Variants in NKPD1 observed in about 807,000 individuals in gnomAD.
NKPD1 encodes the protein NTPase KAP family P-loop domain-containing protein 1.
NKPD1 carries 37 observed loss-of-function variants against 42.2 expected under a neutral mutation model. The observed-to-expected ratio is 0.88, with a 90% CI of 0.67 to 1.15. The LOEUF is 1.15. Ranked by LOEUF, NKPD1 falls within the 50% of genes most tolerant of loss-of-function variation. The probability of loss-of-function intolerance (pLI) is 0.00; values close to 1 mark genes in which losing one functional copy is unlikely to be tolerated. For missense variants in NKPD1, 1,113 were observed against 1,174.6 expected (o/e 0.95, Z 0.77); for synonymous variants, 552 against 536.5 (o/e 1.03, Z -0.40).
Position 45,150,906 on chromosome 19 carries a change from C to G in NKPD1, c.*1032G>C, listed in dbSNP as rs562804251. ...AGGGCCCTGGCTCAGAAGCCACACCCTCAGCCTCATCCCAGGGTATGTTCA... is the reference window on the plus strand; with the variant it reads ...AGGGCCCTGGCTCAGAAGCCACACCGTCAGCCTCATCCCAGGGTATGTTCA... On this transcript the variant is annotated 3_prime_UTR_variant, in exon 5 of 5. Coordinates refer to ENST00000686631, the MANE Select transcript of NKPD1 (RefSeq NM_198478.4). 1 of 152,484 alleles carries G rather than the reference C, an allele frequency of 6.6e-6. No individual in the cohort carries two copies. The highest frequency in any genetic ancestry group is 2.1e-4 in the South Asian group (1 of 4,832). The allele number at this position is 152,484 out of a possible 1,614,324, so 9.4% of individuals were successfully genotyped here.
Position 45,153,476 on chromosome 19 carries a change from T to C in NKPD1, c.961A>G (p.Asn321Asp). Residue 321 changes from asparagine (N) to aspartate (D), a missense_variant, in exon 5 of 5, where the codon AAC (asparagine) becomes GAC (aspartate). Around this residue, in one of 3 missense-constraint regions of NKPD1, gnomAD observed 867 missense variants for 870.1 expected, o/e 1.00. Transcript: ENST00000686631. ...CAGTCCTGCCTGGTGGCCGGCTTGT[T>C]GCCCAGCACCGAGTACACGCTGAAG... ...LPFSVYSVLG[N>D]KPATRQDCCQ... 6.4e-7 allele frequency: 1 copy of C among 1,553,576 alleles called. No individual in the cohort carries two copies. Among genetic ancestry groups the C allele is most frequent in the Non-Finnish European group, 8.7e-7 (1 of 1,152,466 alleles).
Position 45,151,885 on chromosome 19 carries a change from C to T in NKPD1, c.*53G>A, listed in dbSNP as rs1040500306. The stretch of plus-strand genomic sequence containing the variant: ...GCCCCAGTCCAGCCCCCTATTCTCC[C>T]ATCTGGGCAGATGGAGGAACCCTTG... On this transcript the variant is annotated 3_prime_UTR_variant, in exon 5 of 5. Coordinates refer to ENST00000686631, the MANE Select transcript of NKPD1 (RefSeq NM_198478.4). 5 of 1,474,548 alleles carry T rather than the reference C, an allele frequency of 3.4e-6. No individual in the cohort carries two copies. The African/African-American group carries it at 7.2e-5, about 21-fold the overall frequency. The allele number at this position is 1,474,548 out of a possible 1,614,324, so 91.3% of individuals were successfully genotyped here. A position where few individuals can be genotyped will look rare whatever the true frequency, so the allele number is the denominator to read the frequency against.
chr19:45,153,413 G>A lies in NKPD1; in HGVS notation c.1024C>T (p.Leu342=), dbSNP rs772395143. The A allele has an allele frequency of 2.1e-5, 32 of 1,550,498 alleles. No homozygotes were observed. The highest frequency in any genetic ancestry group is 2.6e-5 in the Non-Finnish European group (30 of 1,151,828). ...SEWHCRRRVC[L]GLLALLAALG... is the part of the protein sequence containing the mutation. Reference sequence around the variant, plus strand: ...GCCGCCAGCAGCGCCAGCAGCCCCAGGCACACGCGGCGCCGACAATGCCAC... The same window carrying A: ...GCCGCCAGCAGCGCCAGCAGCCCCAAGCACACGCGGCGCCGACAATGCCAC... The change falls in exon 5 of 5, where the codon CTG becomes TTG. Residue 342 remains leucine (L), a synonymous_variant. Transcript: ENST00000686631.
chr19:45,161,953 C>T (rs539159240), upstream of NKPD1, among the ~76,000 whole-genome samples: 3 of 149,910 alleles, frequency 2.0e-5, no homozygotes, highest in South Asian at 2.1e-4. Flanking sequence ...CTGCTCCCTA[C>T]GGCCAGAGCC....
chr19:45,153,751 TGC>T lies in NKPD1; in HGVS notation c.684_685del (p.Gln229AlafsTer53), dbSNP rs780704011. The T allele has an allele frequency of 1.1e-5, 17 of 1,501,196 alleles. No homozygotes were observed. The highest frequency in any genetic ancestry group is 1.4e-5 in the Non-Finnish European group (16 of 1,118,174). 93.0% of individuals were successfully genotyped at this position (1,501,196 alleles called of 1,614,324 possible). A position where few individuals can be genotyped will look rare whatever the true frequency, so the allele number is the denominator to read the frequency against. ...GTGCTGCAGCTCCTCGCTCTCGCGCTGCGCGGCCTCCTGCTGCATCAGCGCTG... is the reference window on the plus strand; with the variant it reads ...GTGCTGCAGCTCCTCGCTCTCGCGCTGCGGCCTCCTGCTGCATCAGCGCTG... On this transcript the variant is annotated frameshift_variant, in exon 5 of 5. Transcript: ENST00000686631. LOFTEE classifies it high-confidence loss of function.
In NKPD1 at chr19:45,158,618, C is replaced by T. The variant is rs978106755; in HGVS notation, c.529+45G>A. 15 of 1,148,770 alleles carry T rather than the reference C, an allele frequency of 1.3e-5. No homozygotes were observed. In the East Asian group the frequency reaches 2.5e-4, roughly 19 times the overall value. The allele number at this position is 1,148,770 out of a possible 1,614,324, so 71.2% of individuals were successfully genotyped here. On this transcript the variant is annotated intron_variant, in intron 3 of 4. Transcript: ENST00000686631. The surrounding 1 kb of genome is among the most constrained non-coding windows in gnomAD (Gnocchi z 4.6). ...CAAGGAGAGCAGGTGGGAAGTGAGGCGGCAGGAGTGGGGACAGGGCCCCCA... is the reference window on the plus strand; with the variant it reads ...CAAGGAGAGCAGGTGGGAAGTGAGGTGGCAGGAGTGGGGACAGGGCCCCCA...
chr19:45,153,679 A>G lies in NKPD1; in HGVS notation c.758T>C (p.Leu253Pro). The G allele has an allele frequency of 1.3e-6, 2 of 1,561,866 alleles. No homozygotes were observed. The highest frequency in any genetic ancestry group is 1.7e-6 in the Non-Finnish European group (2 of 1,153,252). ...CTGCAGGAACACCAGGTACCACAGT[A>G]GCTGCGGGACGCCCCAGCCGCTCAC... The part of the protein sequence containing the change: ...RAVSGWGVPQ[L>P]LWYLVFLQPI... Residue 253 changes from leucine to proline, a missense_variant, in exon 5 of 5, where the codon CTA (leucine) becomes CCA (proline). Coordinates refer to ENST00000686631, the MANE Select transcript of NKPD1 (RefSeq NM_198478.4).
Position 45,155,812 on chromosome 19 carries a change from G to A in NKPD1, c.634C>T (p.Leu212=). Residue 212 remains leucine, a synonymous_variant, in exon 4 of 5, where the codon CTG becomes TTG. Transcript: ENST00000686631. ...VGFYAPFGCR[L]HMMLDKITAL... is the part of the protein sequence containing the mutation. Reference sequence around the variant, plus strand: ...GTGATCTTGTCCAGCATCATGTGCAGGCGGCAGCCGAAAGGGGCATAGAAA... The same window carrying A: ...GTGATCTTGTCCAGCATCATGTGCAAGCGGCAGCCGAAAGGGGCATAGAAA... The A allele has an allele frequency of 7.7e-7, 1 of 1,305,270 alleles. No homozygotes were observed. Among genetic ancestry groups the A allele is most frequent in the Middle Eastern group, 2.1e-4 (1 of 4,692 alleles). 80.9% of individuals were successfully genotyped at this position (1,305,270 alleles called of 1,614,324 possible). A position where few individuals can be genotyped will look rare whatever the true frequency, so the allele number is the denominator to read the frequency against.
rs752034506 is a variant in NKPD1, at chr19:45,153,725, C to T, written c.712G>A (p.Val238Met). Reference sequence around the variant, plus strand: ...CTCACGGCACGCGGCCGCCACTGCACGTGCTGCAGCTCCTCGCTCTCGCGC... The same window carrying T: ...CTCACGGCACGCGGCCGCCACTGCATGTGCTGCAGCTCCTCGCTCTCGCGC... ...AQRESEELQH[V>M]QWRPRAVSGW... The change falls in exon 5 of 5, where the codon GTG becomes ATG. Residue 238 changes from valine to methionine, a missense_variant. Val to Met is a conservative substitution (Grantham distance 21). Coordinates refer to ENST00000686631, the MANE Select transcript of NKPD1 (RefSeq NM_198478.4). 1 of 1,523,862 alleles carries T rather than the reference C, an allele frequency of 6.6e-7. No homozygotes were observed. The highest frequency in any genetic ancestry group is 2.5e-5 in the East Asian group (1 of 40,440). 94.4% of individuals were successfully genotyped at this position (1,523,862 alleles called of 1,614,324 possible). A position where few individuals can be genotyped will look rare whatever the true frequency, so the allele number is the denominator to read the frequency against.
chr19:45,162,166 C>T (rs1013486229), upstream of NKPD1, among the ~76,000 whole-genome samples: 9 of 152,150 alleles, frequency 5.9e-5, no homozygotes, highest in African/African-American at 2.2e-4. Context: ...CTCCGCAGGA[C>T]GAGATTGCCC....
Position 45,151,949 on chromosome 19 carries a change from C to T in NKPD1, c.2488G>A (p.Gly830Ser), listed in dbSNP as rs762181632. 26 of 1,565,976 alleles carry T rather than the reference C, an allele frequency of 1.7e-5. No individual in the cohort carries two copies. Among genetic ancestry groups the T allele is most frequent in the Non-Finnish European group, 2.1e-5 (24 of 1,151,668 alleles). Residue 830 changes from glycine to serine, a missense_variant, in exon 5 of 5, where the codon GGT becomes AGT. By Grantham distance (56) the Gly-to-Ser change is moderately conservative. Around this residue, in one of 3 missense-constraint regions of NKPD1, gnomAD observed 867 missense variants for 870.1 expected, o/e 1.00. Coordinates refer to ENST00000686631, the MANE Select transcript of NKPD1 (RefSeq NM_198478.4). ...ALFRPGQSSPGGP is the reference protein window; with the variant it reads ...ALFRPGQSSPSGP ...GCCAAGTCCTCCATTTAAGGCCCAC[C>T]TGGGCTGGATTGCCCTGGACGGAAG... is the stretch of plus-strand genomic sequence containing the variant.
chr19:45,152,485 C>A lies in NKPD1; in HGVS notation c.1952G>T (p.Arg651Leu). The A allele has an allele frequency of 6.4e-7, 1 of 1,553,014 alleles. No homozygotes were observed. The highest frequency in any genetic ancestry group is 8.6e-7 in the Non-Finnish European group (1 of 1,157,222). Reference protein sequence around the residue: ...QQGDFGGPTPRQAVAWVVLAN... With the variant: ...QQGDFGGPTPLQAVAWVVLAN... ...GAGCACCACCCACGCCACCGCCTGG[C>A]GCGGCGTGGGGCCCCCAAAGTCCCC... The change falls in exon 5 of 5, where the codon CGC (arginine) becomes CTC (leucine). Residue 651 changes from arginine to leucine, a missense_variant. This residue lies in a region of NKPD1 where 867 missense variants were observed against 870.1 expected (regional missense o/e 1.00). Transcript: ENST00000686631.
At chr19:45,155,095 G>T (rs1012541778) in intron 4 of NKPD1, among the ~76,000 whole-genome samples, 1 of 151,172 alleles carries the variant, frequency 6.6e-6, no homozygotes, top group Non-Finnish European at 1.5e-5. Context: ...AGGCTGAGGC[G>T]GATCACATGA....
Position 45,160,707 on chromosome 19 carries a change from G to A in NKPD1, c.-72+218C>T, listed in dbSNP as rs546465320. ...ACGGTGGAGGGGGAATTGTGAGGGAGCAATGAAATCGCGGTGGTCCAATTT... is the reference window on the plus strand; with the variant it reads ...ACGGTGGAGGGGGAATTGTGAGGGAACAATGAAATCGCGGTGGTCCAATTT... On this transcript the variant is annotated intron_variant, in intron 1 of 4. Transcript: ENST00000686631. Among the ~76,000 whole-genome samples the A allele has an allele frequency of 1.6e-4, 25 of 152,174 alleles. No homozygotes were observed. In the South Asian group the frequency reaches 5.2e-3, roughly 32 times the overall value.
At chr19:45,156,992 A>G (rs566417334) in intron 3 of NKPD1, among the ~76,000 whole-genome samples, 5 of 152,276 alleles carry the variant, frequency 3.3e-5, no homozygotes, top group African/African-American at 1.2e-4. Context: ...TGAAATAGAC[A>G]TCGTAGCCCT....
At chr19:45,159,363 G>A (rs1430420090) in intron 2 of NKPD1, among the ~76,000 whole-genome samples, 1 of 152,168 alleles carries the variant, frequency 6.6e-6, no homozygotes. Flanking sequence ...CTGAGGTTGG[G>A]GCTTCAATGG....
chr19:45,150,039 G>A lies in NKPD1; in HGVS notation c.*1899C>T, dbSNP rs946728420. On this transcript the variant is annotated 3_prime_UTR_variant, in exon 5 of 5. Coordinates refer to ENST00000686631, the MANE Select transcript of NKPD1 (RefSeq NM_198478.4). Reference sequence around the variant, plus strand: ...GTGCAAGTTCTCATAGCAGCTCCACGTGAAGATACAGTGACCAACAGTTTG... The same window carrying A: ...GTGCAAGTTCTCATAGCAGCTCCACATGAAGATACAGTGACCAACAGTTTG... 13 of 152,158 alleles carry A rather than the reference G, an allele frequency of 8.5e-5. 1 individual carries two copies. The highest frequency in any genetic ancestry group is 1.6e-4 in the Non-Finnish European group (11 of 68,048). The allele number at this position is 152,158 out of a possible 1,614,324, so 9.4% of individuals were successfully genotyped here.
Position 45,159,100 on chromosome 19 carries a change from C to A in NKPD1, c.92G>T (p.Gly31Val), listed in dbSNP as rs368574677. Residue 31 changes from glycine (G) to valine (V), a missense_variant and splice_region_variant, in exon 3 of 5, where the codon GGA becomes GTA. Transcript: ENST00000686631. ...FWDPELGHRK[G>V]CCHQWRQDSA... ...GTCCTGGCGCCACTGATGACAGCAT[C>A]CTGGAAGGAAGGAAGTGGGGGTGAC... The A allele has an allele frequency of 5.2e-5, 67 of 1,278,246 alleles. No homozygotes were observed. The highest frequency in any genetic ancestry group is 6.1e-5 in the Non-Finnish European group (60 of 982,270). 79.2% of individuals were successfully genotyped at this position (1,278,246 alleles called of 1,614,324 possible). A position where few individuals can be genotyped will look rare whatever the true frequency, so the allele number is the denominator to read the frequency against.
chr19:45,158,752 GC>G lies in NKPD1; in HGVS notation c.439del (p.Ala147LeufsTer5). ...ARSGPALPSA[A>X]GVLLKPSEPT... Reference sequence around the variant, plus strand: ...CTCGCTGGGCTTCAGGAGGACGCCAGCCGCGGAGGGTAGAGCTGGGCCACTC... The same window carrying G: ...CTCGCTGGGCTTCAGGAGGACGCCAGCGCGGAGGGTAGAGCTGGGCCACTC... On this transcript the variant is annotated frameshift_variant, in exon 3 of 5. Transcript: ENST00000686631. LOFTEE classifies it high-confidence loss of function. This position sits in a 1 kb window ranked among gnomAD's most constrained non-coding sequence, Gnocchi z 4.6. 1.6e-6 allele frequency: 2 copies of G among 1,218,142 alleles called. No individual in the cohort carries two copies. The highest frequency in any genetic ancestry group is 2.1e-6 in the Non-Finnish European group (2 of 949,654). The allele number at this position is 1,218,142 out of a possible 1,614,324, so 75.5% of individuals were successfully genotyped here.
Sources: allele counts gnomAD v4.1 joint callset (sites outside exome capture counted in the v4.1 genomes callset), GRCh38; gene constraint gnomAD v4.1.1; regional missense constraint gnomAD v4.1.1; non-coding constraint Gnocchi (gnomAD v3.1); transcripts MANE v1.5; gene names NCBI Gene and HGNC (gene_info 2026-07-23, HGNC 2026-07-21).